Variants in UBE2D3 observed in about 807,000 individuals in gnomAD.
The protein encoded by UBE2D3 is ubiquitin-conjugating enzyme E2 D3.
UBE2D3 carries 2 observed loss-of-function variants against 22.8 expected under a neutral mutation model. The ratio of observed to expected loss-of-function variants is 0.09; its 90% CI spans 0.04 to 0.28. The LOEUF (loss-of-function observed/expected upper bound fraction) is 0.28, where lower values mean the gene tolerates loss of function less well. Ranked by LOEUF, UBE2D3 falls within the 10% of genes least tolerant of loss-of-function variation. The probability of loss-of-function intolerance (pLI) is 1.00; values close to 1 mark genes in which losing one functional copy is unlikely to be tolerated. For missense variants in UBE2D3, 27 were observed against 182.5 expected (o/e 0.15, Z 4.91); for synonymous variants, 56 against 60.4 (o/e 0.93, Z 0.34).
intron 4 of UBE2D3, among the ~76,000 whole-genome samples, chr4:102,802,917 A>C (rs1726430941): frequency 6.6e-6 from 1 of 152,250 alleles, no homozygotes; most frequent in Non-Finnish European, 1.5e-5. Context: ...AATTCTCAAA[A>C]GTACAACACA....
At chr4:102,804,154 C>T (rs754166573) in intron 4 of UBE2D3, among the ~76,000 whole-genome samples, 32 of 151,704 alleles carry the variant, frequency 2.1e-4, no homozygotes, top group Non-Finnish European at 3.2e-4. Flanking sequence ...GGAATGGGAA[C>T]GGGAAGGGGG....
intron 4 of UBE2D3, among the ~76,000 whole-genome samples, chr4:102,807,241 C>G (rs1727207219): frequency 6.6e-6 from 1 of 152,208 alleles, no homozygotes; most frequent in Non-Finnish European, 1.5e-5. Context: ...AGCAACCATA[C>G]TCACAAAATA....
At chr4:102,858,392 GTTCT>G (rs1252311479) in intron 1 of UBE2D3, among the ~76,000 whole-genome samples, 1 of 151,910 alleles carries the variant, frequency 6.6e-6, no homozygotes, top group East Asian at 1.9e-4. Context: ...TTGTATAACG[GTTCT>G]TTGTGATGTT....
At chr4:102,865,023 G>A (rs1733080280) in intron 1 of UBE2D3, among the ~76,000 whole-genome samples, 1 of 152,158 alleles carries the variant, frequency 6.6e-6, no homozygotes, top group Non-Finnish European at 1.5e-5. Flanking sequence ...TAAGTACTGG[G>A]TTGAGTAAAG....
upstream of UBE2D3, among the ~76,000 whole-genome samples, chr4:102,828,565 T>C (rs1459231128): frequency 6.6e-6 from 1 of 152,154 alleles, no homozygotes. Context: ...TTTTCACTGG[T>C]CTCCGTAATC....
chr4:102,836,321 T>A (rs1284881692), intron 1 of UBE2D3, among the ~76,000 whole-genome samples: 1 of 151,672 alleles, frequency 6.6e-6, no homozygotes, highest in Admixed American at 6.6e-5. Flanking sequence ...AATTTTTTTA[T>A]TTTTTAGTAG....
chr4:102,797,858 C>A (rs1187417286), intron 7 of UBE2D3, among the ~76,000 whole-genome samples: 1 of 151,860 alleles, frequency 6.6e-6, no homozygotes, highest in Admixed American at 6.6e-5. Flanking sequence ...AAGGCCAGAA[C>A]TAGGCTTTTA....
At chr4:102,850,971 A>C (rs1732312374) in intron 1 of UBE2D3, among the ~76,000 whole-genome samples, 1 of 152,152 alleles carries the variant, frequency 6.6e-6, no homozygotes, top group Non-Finnish European at 1.5e-5. Flanking sequence ...AAGACTACGC[A>C]TTGGCTACAG....
intron 1 of UBE2D3, among the ~76,000 whole-genome samples, chr4:102,847,961 G>A (rs111875620): frequency 0.018 from 2,698 of 152,178 alleles, 66 homozygotes; most frequent in African/African-American, 0.062. Context: ...TATGCCTAGC[G>A]TTCCATTATT....
chr4:102,839,833 ACAG>A (rs1731642215), intron 1 of UBE2D3, among the ~76,000 whole-genome samples: 1 of 152,372 alleles, frequency 6.6e-6, no homozygotes, highest in Admixed American at 6.5e-5. Flanking sequence ...AGCAAAGGAA[ACAG>A]CAGAGTGAAG....
chr4:102,834,490 T>C (rs1192130184), intron 1 of UBE2D3, among the ~76,000 whole-genome samples: 2 of 152,128 alleles, frequency 1.3e-5, no homozygotes, highest in African/African-American at 2.4e-5. Flanking sequence ...GGTACATAGC[T>C]GTAATCCCAG....
rs763563358 is a variant in UBE2D3 at position 102,868,728 on chromosome 4, T to C, written c.-142A>G. 12 of 1,613,100 alleles carry C rather than the reference T, an allele frequency of 7.4e-6. No individual in the cohort carries two copies. In the East Asian group the frequency reaches 2.7e-4, roughly 36 times the overall value. On this transcript the variant is annotated 5_prime_UTR_variant, in exon 1 of 8. Coordinates refer to the UBE2D3 transcript ENST00000338145. ...CAAGAGACTCACTTTTGAAAGGCAC[T>C]TTCGGTTAGAAAGCATTCTCACATG... is the stretch of plus-strand genomic sequence containing the variant.
intron 4 of UBE2D3, among the ~76,000 whole-genome samples, chr4:102,807,703 TG>T (rs2110275157): frequency 6.6e-6 from 1 of 152,288 alleles, no homozygotes; most frequent in African/African-American, 2.4e-5. Context: ...AAAAGGTAAA[TG>T]TTTTCTCAAA....
intron 1 of UBE2D3, among the ~76,000 whole-genome samples, chr4:102,846,957 T>A (rs1732068092): frequency 6.6e-6 from 1 of 151,986 alleles, no homozygotes; most frequent in Non-Finnish European, 1.5e-5. Context: ...GCCGGTAAAT[T>A]CTGAGGAGAG....
exon 1 of UBE2D3, chr4:102,868,856 C>CACCT: frequency 1.3e-6 from 2 of 1,533,510 alleles, no homozygotes; most frequent in Non-Finnish European, 1.8e-6. Flanking sequence ...CGAGGAGGGC[C>CACCT]TCGCTACCCG....
At chr4:102,860,121 A>ATTCCTCATTTAGGTGGAACACAT (rs1553967954) in intron 1 of UBE2D3, among the ~76,000 whole-genome samples, 1 of 152,116 alleles carries the variant, frequency 6.6e-6, no homozygotes, top group Non-Finnish European at 1.5e-5. Flanking sequence ...CACTGGGATT[A>ATTCCTCATTTAGGTGGAACACAT]CAGGCGTGAG....
intron 2 of UBE2D3, chr4:102,811,102 C>CA (rs1262657834): frequency 6.6e-6 from 1 of 152,214 alleles, no homozygotes; most frequent in East Asian, 1.9e-4. Context: ...GTAATCCTAA[C>CA]ACCCTGGGAG....
intron 4 of UBE2D3, among the ~76,000 whole-genome samples, chr4:102,805,434 C>G (rs1726874373): frequency 6.6e-6 from 1 of 151,760 alleles, no homozygotes; most frequent in Non-Finnish European, 1.5e-5. Flanking sequence ...TTGCTCTCAT[C>G]AGTGCAAAGT....
rs1725354449 is a variant in UBE2D3 at position 102,797,174 on chromosome 4, T to C, written c.*241A>G. ...CATTTTTTTTTTTAAAAATTCTGAG[T>C]CTTGGGCAACTGTTCTCTTGTAACT... On this transcript the variant is annotated 3_prime_UTR_variant, in exon 8 of 8. Transcript: ENST00000453744. The C allele has an allele frequency of 2.7e-6, 1 of 364,592 alleles. No individual in the cohort carries two copies. Among genetic ancestry groups the C allele is most frequent in the African/African-American group, 2.1e-5 (1 of 47,388 alleles). 22.6% of individuals were successfully genotyped at this position (364,592 alleles called of 1,614,324 possible).
Sources: allele counts gnomAD v4.1 joint callset (sites outside exome capture counted in the v4.1 genomes callset), GRCh38; gene constraint gnomAD v4.1.1; transcripts MANE v1.5; gene names NCBI Gene and HGNC (gene_info 2026-07-23, HGNC 2026-07-21).